BCAS3: variants seen among roughly 807,000 people sequenced by gnomAD.
The protein encoded by BCAS3 is BCAS4/BCAS3 fusion.
BCAS3 carries 53 observed loss-of-function variants against 116.1 expected under a neutral mutation model. The observed-to-expected ratio is 0.46, with a 90% CI of 0.37 to 0.57. The LOEUF is 0.57. BCAS3 is among the 20% of genes least tolerant of loss of function. BCAS3 has a pLI of 0.00. For synonymous variants in BCAS3, 391 were observed against 408.2 expected, an observed-to-expected ratio of 0.96 and a Z score of 0.51; for missense variants, 917 against 1,165.4, an observed-to-expected ratio of 0.79 and a Z score of 3.10.
At chr17:60,913,130 G>C (rs1377028525) in intron 12 of BCAS3, among the ~76,000 whole-genome samples, 1 of 152,030 alleles carries the variant, frequency 6.6e-6, no homozygotes, top group Non-Finnish European at 1.5e-5. Flanking sequence ...AGATTGGAGA[G>C]TTGCAAAAGT....
At chr17:60,678,553 T>C (rs182887064) in intron 1 of BCAS3, among the ~76,000 whole-genome samples, 5 of 152,194 alleles carry the variant, frequency 3.3e-5, no homozygotes, top group African/African-American at 1.2e-4. Context: ...CAGGATTTAC[T>C]GATGTGACGG....
chr17:61,284,229 C>T (rs1050432184), intron 22 of BCAS3, among the ~76,000 whole-genome samples: 1 of 152,166 alleles, frequency 6.6e-6, no homozygotes, highest in Non-Finnish European at 1.5e-5. Context: ...CCACCTCCCC[C>T]ACCCACACCA....
intron 14 of BCAS3, among the ~76,000 whole-genome samples, chr17:60,955,343 T>C (rs1294292801): frequency 6.6e-6 from 1 of 151,914 alleles, no homozygotes; most frequent in Non-Finnish European, 1.5e-5. Context: ...GTTTCACTGA[T>C]TGTCCCAGTA....
rs1491401445 is a variant in BCAS3 at position 61,045,885 on chromosome 17, T to TTAC, written c.2029+4993_2029+4994insTAC. ...TATATAAATATATATAAATATATAT[T>TTAC]ATATATATAATATATATAAATATAT... On this transcript the variant is annotated intron_variant, in intron 19 of 23. Transcript: ENST00000407086. Among the ~76,000 whole-genome samples, 3 of 38,474 alleles carry TTAC rather than the reference T, an allele frequency of 7.8e-5. No individual in the cohort carries two copies. The African/African-American group carries it at 1.2e-3, about 15-fold the overall frequency. The allele number at this position is 38,474 out of a possible 152,430, so 25.2% of individuals were successfully genotyped here. A position where few individuals can be genotyped will look rare whatever the true frequency, so the allele number is the denominator to read the frequency against.
At chr17:61,055,823 C>T (rs959251559) in intron 19 of BCAS3, among the ~76,000 whole-genome samples, 7 of 151,928 alleles carry the variant, frequency 4.6e-5, no homozygotes, top group African/African-American at 9.7e-5. Context: ...AAAAAATTGC[C>T]GTGTTTTTCC....
At chr17:60,953,417 T>G (rs181526651) in intron 14 of BCAS3, among the ~76,000 whole-genome samples, 5 of 152,176 alleles carry the variant, frequency 3.3e-5, no homozygotes, top group African/African-American at 9.6e-5. Context: ...GGTTTTTTGT[T>G]TTTTTTTCTT....
intron 22 of BCAS3, among the ~76,000 whole-genome samples, chr17:61,085,465 G>T (rs1288825488): frequency 1.3e-5 from 2 of 152,210 alleles, no homozygotes; most frequent in African/African-American, 4.8e-5. Flanking sequence ...AAACTGATTT[G>T]TGAAGGTCAC....
At chr17:60,722,010 A>G (rs145088366) in intron 5 of BCAS3, among the ~76,000 whole-genome samples, 3 of 152,290 alleles carry the variant, frequency 2.0e-5, no homozygotes, top group African/African-American at 7.2e-5. Flanking sequence ...TTATGACTGT[A>G]AGATTTGTTT....
At chr17:60,954,416 CA>C (rs550430584) in intron 14 of BCAS3, among the ~76,000 whole-genome samples, 13 of 147,670 alleles carry the variant, frequency 8.8e-5, no homozygotes, top group African/African-American at 9.9e-5. Flanking sequence ...TGGTGAAATG[CA>C]AAAAAAAAAT....
rs769432312 is a variant in BCAS3 at position 61,215,172 on chromosome 17, A to G, written c.2425+130608A>G. On this transcript the variant is annotated intron_variant, in intron 22 of 23. Transcript: ENST00000407086. The surrounding 1 kb of genome is among the most constrained non-coding windows in gnomAD (Gnocchi z 4.8). The stretch of plus-strand genomic sequence containing the variant: ...TCCTGAAAATGGAGGACAAGGATAC[A>G]TTTCACCTATGTCTTATGCTTTAAC... Among the ~76,000 whole-genome samples, 5 of 152,232 alleles carry G rather than the reference A, an allele frequency of 3.3e-5. No individual in the cohort carries two copies. Among genetic ancestry groups the G allele is most frequent in the Non-Finnish European group, 7.3e-5 (5 of 68,036 alleles).
At position 60,994,047 on chromosome 17, in the gene BCAS3, C is replaced by T. The variant is rs1483577937; in HGVS notation, c.1486+3812C>T. ...AAATTTACATCTTTATATTCACTATCCTTTAACCAAAAGTAAGCATTTCCT... is the reference window on the plus strand; with the variant it reads ...AAATTTACATCTTTATATTCACTATTCTTTAACCAAAAGTAAGCATTTCCT... On this transcript the variant is annotated intron_variant, in intron 15 of 23. Transcript: ENST00000407086. The surrounding 1 kb of genome is among the most constrained non-coding windows in gnomAD (Gnocchi z 4.4). Among the ~76,000 whole-genome samples, 1 of 152,028 alleles carries T rather than the reference C, an allele frequency of 6.6e-6. No homozygotes were observed. The highest frequency in any genetic ancestry group is 2.4e-5 in the African/African-American group (1 of 41,372).
chr17:60,810,698 T>G, intron 7 of BCAS3: 1 of 667,194 alleles, frequency 1.5e-6, no homozygotes, highest in African/African-American at 1.8e-5. Flanking sequence ...CCCTAGTCTG[T>G]GGAGAGGGAC....
chr17:61,170,509 G>A (rs760720171), intron 22 of BCAS3, among the ~76,000 whole-genome samples: 1 of 151,636 alleles, frequency 6.6e-6, no homozygotes, highest in Non-Finnish European at 1.5e-5. Flanking sequence ...AGCCAGGATG[G>A]TCTTGATCTC....
chr17:61,112,869 G>C lies in BCAS3; in HGVS notation c.2425+28305G>C, dbSNP rs1291653095. Among the ~76,000 whole-genome samples, 12 of 151,624 alleles carry C rather than the reference G, an allele frequency of 7.9e-5. No homozygotes were observed. The East Asian group carries it at 1.9e-3, about 24-fold the overall frequency. ...TCTCCTCAGCAAATGTAAAAGAACA[G>C]AGATTATAGCAAACTATCTCTCAGA... On this transcript the variant is annotated intron_variant, in intron 22 of 23. Coordinates refer to ENST00000407086, the MANE Select transcript of BCAS3 (RefSeq NM_017679.5).
chr17:60,888,394 A>G (rs751658577), intron 9 of BCAS3, among the ~76,000 whole-genome samples: 2 of 152,078 alleles, frequency 1.3e-5, no homozygotes, highest in Non-Finnish European at 1.5e-5. Context: ...ACTTGGTTCT[A>G]TTTTTCATGA....
intron 12 of BCAS3, among the ~76,000 whole-genome samples, chr17:60,915,349 A>T (rs945910643): frequency 2.6e-5 from 4 of 152,248 alleles, no homozygotes; most frequent in South Asian, 4.1e-4. Flanking sequence ...TTTAACCTGC[A>T]TTCATTGGTG....
At chr17:60,901,390 G>A (rs1200912751) in intron 10 of BCAS3, among the ~76,000 whole-genome samples, 5 of 152,062 alleles carry the variant, frequency 3.3e-5, no homozygotes, top group Non-Finnish European at 5.9e-5. Context: ...GTGTATTTGT[G>A]GATGAATGAG....
rs940664860 is a variant in BCAS3 at position 61,084,088 on chromosome 17, C to T, written c.2328-379C>T. On this transcript the variant is annotated intron_variant, in intron 21 of 23. Transcript: ENST00000407086. The surrounding 1 kb of genome is among the most constrained non-coding windows in gnomAD (Gnocchi z 5.5). ...TAGCTATGGTGATATTAGTGAATTT[C>T]AGGATTCTCAAAACTCTTCATGTGT... 1.2e-4 allele frequency among the ~76,000 whole-genome samples: 19 copies of T among 152,154 alleles called. No individual in the cohort carries two copies. The highest frequency in any genetic ancestry group is 4.3e-4 in the African/African-American group (18 of 41,440).
In BCAS3 at chr17:61,078,649, T is replaced by C. The variant is rs1367054241; in HGVS notation, c.2327+120T>C. The C allele has an allele frequency of 1.5e-5, 12 of 794,602 alleles. No individual in the cohort carries two copies. The African/African-American group carries it at 1.9e-4, about 13-fold the overall frequency. The allele number at this position is 794,602 out of a possible 1,614,324, so 49.2% of individuals were successfully genotyped here. On this transcript the variant is annotated intron_variant, in intron 21 of 23. Coordinates refer to ENST00000407086, the MANE Select transcript of BCAS3 (RefSeq NM_017679.5). ...GCACAGTATCATGTTGCAGACTACA[T>C]GTACTGTTGCACGTAATTCCCTGTC...
Sources: allele counts gnomAD v4.1 joint callset (sites outside exome capture counted in the v4.1 genomes callset), GRCh38; gene constraint gnomAD v4.1.1; non-coding constraint Gnocchi (gnomAD v3.1); transcripts MANE v1.5; gene names NCBI Gene and HGNC (gene_info 2026-07-23, HGNC 2026-07-21).